The following DCP2 variants were observed in gnomAD, a reference collection of about 807,000 sequenced individuals.
DCP2 encodes decapping mRNA 2, also known as m7GpppN-mRNA hydrolase.
Under a neutral mutation model 56.1 loss-of-function variants are expected in DCP2, and 30 were observed. The ratio of observed to expected loss-of-function variants is 0.53; its 90% confidence interval spans 0.40 to 0.73. DCP2 has a LOEUF of 0.73. Among genes scored for constraint, DCP2 ranks in the 30% least tolerant of loss-of-function variants. The probability of loss-of-function intolerance (pLI) is 0.00; values close to 1 mark genes in which losing one functional copy is unlikely to be tolerated. For missense variants in DCP2, 533 were observed against 502.7 expected, an observed-to-expected ratio of 1.06 and a Z score of -0.58; for synonymous variants, 197 against 163.3, an observed-to-expected ratio of 1.21 and a Z score of -1.57.
intron 4 of DCP2, among the ~76,000 whole-genome samples, chr5:113,000,426 C>CCCACACT (rs1749122902): frequency 9.3e-6 from 1 of 107,028 alleles, no homozygotes; most frequent in African/African-American, 4.7e-5. Flanking sequence ...ACACACACAC[C>CCCACACT]CACACACCCT....
intron 2 of DCP2, among the ~76,000 whole-genome samples, chr5:112,988,318 TAAA>T (rs71224870): frequency 1.5e-5 from 2 of 136,704 alleles, no homozygotes; most frequent in African/African-American, 5.4e-5. Flanking sequence ...CCGTCTCTAC[TAAA>T]AAAAAAAAAA....
At chr5:113,009,952 C>G (rs572067184) in intron 9 of DCP2, among the ~76,000 whole-genome samples, 6 of 144,958 alleles carry the variant, frequency 4.1e-5, no homozygotes, top group Non-Finnish European at 7.5e-5. Context: ...GGGTCTCGCT[C>G]TGTCGTCTAG....
intron 2 of DCP2, among the ~76,000 whole-genome samples, chr5:112,987,192 G>C (rs1401781963): frequency 1.3e-5 from 2 of 151,718 alleles, no homozygotes; most frequent in Non-Finnish European, 2.9e-5. Context: ...TCTAGAATTT[G>C]GAAAAAAAAG....
rs758154928 is a variant in DCP2, at chr5:113,013,362, C to G, written c.1141C>G (p.Leu381Val). The G allele has an allele frequency of 1.2e-6, 2 of 1,613,994 alleles. No individual in the cohort carries two copies. Among genetic ancestry groups the G allele is most frequent in the African/African-American group, 1.3e-5 (1 of 74,932 alleles). The change falls in exon 11 of 11, where the codon CTA becomes GTA. Residue 381 changes from leucine to valine, a missense_variant. This residue lies in a region of DCP2 where 392 missense variants were observed against 346.6 expected (regional missense o/e 1.13). Coordinates refer to ENST00000389063, the MANE Select transcript of DCP2 (RefSeq NM_152624.6). ...GCCTAGCTCCAGTGAAGACCAGTTG[C>G]TAGAACATGCTGAGGGACAGCCCGT... is the stretch of plus-strand genomic sequence containing the variant. ...DLPSSSEDQL[L>V]EHAEGQPVAC...
In DCP2 at chr5:113,008,060, C is replaced by G; in HGVS notation, c.1047+18C>G. ...CTTTGATGGTAAGAGTTATAGCTGT[C>G]ACACTAAGTAGGCAGTTCATCCTCT... is the stretch of plus-strand genomic sequence containing the variant. On this transcript the variant is annotated intron_variant, in intron 9 of 10. Coordinates refer to ENST00000389063, the MANE Select transcript of DCP2 (RefSeq NM_152624.6). 1.3e-6 allele frequency: 2 copies of G among 1,596,690 alleles called. No homozygotes were observed. Among genetic ancestry groups the G allele is most frequent in the Non-Finnish European group, 1.7e-6 (2 of 1,165,346 alleles).
At chr5:113,002,414 C>G (rs1429322987) in intron 7 of DCP2, among the ~76,000 whole-genome samples, 1 of 146,320 alleles carries the variant, frequency 6.8e-6, no homozygotes, top group Non-Finnish European at 1.5e-5. Context: ...CAGAGTGAGA[C>G]TCGGTCTCAA....
chr5:112,983,909 A>G (rs1748126249), intron 1 of DCP2: 1 of 152,246 alleles, frequency 6.6e-6, no homozygotes, highest in African/African-American at 2.4e-5. Flanking sequence ...GAGGATAAAG[A>G]CATTTTAGAT....
chr5:112,985,044 C>T (rs1748210570), intron 1 of DCP2, among the ~76,000 whole-genome samples: 1 of 151,918 alleles, frequency 6.6e-6, no homozygotes, highest in Non-Finnish European at 1.5e-5. Context: ...AACCAGTGGA[C>T]TTGAATCTGT....
At chr5:113,001,063 A>G (rs1477015028) in intron 4 of DCP2, 21 bp from the exon 5 acceptor site, 1 of 1,567,262 alleles carries the variant, frequency 6.4e-7, no homozygotes, top group Non-Finnish European at 8.6e-7. Flanking sequence ...TGAAAATTTC[A>G]TCCAAATTTG....
At position 113,018,858 on chromosome 5, in the gene DCP2, A is replaced by C. The variant is rs1749997470; in HGVS notation, c.*5374A>C. 1 of 152,172 alleles carries C rather than the reference A, an allele frequency of 6.6e-6. No individual in the cohort carries two copies. Among genetic ancestry groups the C allele is most frequent in the South Asian group, 2.1e-4 (1 of 4,830 alleles). The allele number at this position is 152,172 out of a possible 1,614,324, so 9.4% of individuals were successfully genotyped here. Reference sequence around the variant, plus strand: ...TATAGCAAACCTGCCACAGACTTGCAAGCAGTGATTTTATCTTTCCTTCCT... The same window carrying C: ...TATAGCAAACCTGCCACAGACTTGCCAGCAGTGATTTTATCTTTCCTTCCT... On this transcript the variant is annotated 3_prime_UTR_variant, in exon 11 of 11. Transcript: ENST00000389063.
chr5:112,998,309 C>A (rs1328835205), intron 4 of DCP2, among the ~76,000 whole-genome samples: 1 of 151,976 alleles, frequency 6.6e-6, no homozygotes, highest in African/African-American at 2.4e-5. Flanking sequence ...CTTTTTTCTT[C>A]TTGTTGGTTT....
chr5:112,996,589 C>T (rs1561694713), intron 4 of DCP2, among the ~76,000 whole-genome samples: 1 of 152,170 alleles, frequency 6.6e-6, no homozygotes, highest in Non-Finnish European at 1.5e-5. Flanking sequence ...GAATTTGACA[C>T]ATCCTCAAAC....
Position 112,995,447 on chromosome 5 carries a change from A to G in DCP2, c.432+2677A>G, listed in dbSNP as rs192291780. ...AGAGGAATTGATTGTAGCTCTGTAC[A>G]TGGGATTAGACTGGTCTAACGGCAG... is the stretch of plus-strand genomic sequence containing the variant. On this transcript the variant is annotated intron_variant, in intron 4 of 10. Transcript: ENST00000389063. Among the ~76,000 whole-genome samples the G allele has an allele frequency of 2.6e-5, 4 of 151,924 alleles. No individual in the cohort carries two copies. In the East Asian group the frequency reaches 5.8e-4, roughly 22 times the overall value.
rs562254738 is a variant in DCP2 at position 112,987,620 on chromosome 5, C to CTTTTTTTTTTT, written c.205+1649_205+1659dup. The stretch of plus-strand genomic sequence containing the variant: ...GGTGCAAGCCACCACACCTAGGTGC[C>CTTTTTTTTTTT]TTTTTTTTTTTTTTTTTTTTTTTTT... On this transcript the variant is annotated intron_variant, in intron 2 of 10. Transcript: ENST00000389063. Among the ~76,000 whole-genome samples, 556 of 69,780 alleles carry CTTTTTTTTTTT rather than the reference C, an allele frequency of 8.0e-3. 2 individuals are homozygous for CTTTTTTTTTTT. Among genetic ancestry groups the CTTTTTTTTTTT allele is most frequent in the African/African-American group, 0.011 (184 of 16,040 alleles). The allele number at this position is 69,780 out of a possible 152,430, so 45.8% of individuals were successfully genotyped here.
chr5:112,981,229 C>T (rs528869141), intron 1 of DCP2, among the ~76,000 whole-genome samples: 4 of 152,028 alleles, frequency 2.6e-5, no homozygotes, highest in Non-Finnish European at 5.9e-5. Flanking sequence ...TGGTCTCAAA[C>T]GTACTTGTAG....
Position 113,021,129 on chromosome 5 carries a change from C to G in DCP2, c.*7645C>G, listed in dbSNP as rs1444866034. Among the ~76,000 whole-genome samples, 2 of 152,110 alleles carry G rather than the reference C, an allele frequency of 1.3e-5. No individual in the cohort carries two copies. The highest frequency in any genetic ancestry group is 2.9e-5 in the Non-Finnish European group (2 of 68,026). ...GGCGCGGTGCTCATACCTGTAATCC[C>G]AGCACTTTGGGAGGCTGAGTTGGGT... On this transcript the variant is annotated 3_prime_UTR_variant, in exon 11 of 11. Transcript: ENST00000389063.
chr5:112,990,131 G>C (rs1748512586), intron 2 of DCP2, among the ~76,000 whole-genome samples: 2 of 152,142 alleles, frequency 1.3e-5, no homozygotes, highest in Admixed American at 1.3e-4. Flanking sequence ...GAAATGTAGG[G>C]AATTGATGGG....
chr5:113,004,366 C>G lies in DCP2; in HGVS notation c.942+289C>G, dbSNP rs532743091. Among the ~76,000 whole-genome samples, 815 of 152,292 alleles carry G rather than the reference C, an allele frequency of 5.4e-3. 4 individuals carry two copies. Among genetic ancestry groups the G allele is most frequent in the Non-Finnish European group, 6.9e-3 (466 of 68,022 alleles). ...AAGGAAAATATTTTCCAAATTAACA[C>G]AAGTGGGATCTATTGGCTTTTGTTC... is the stretch of plus-strand genomic sequence containing the variant. On this transcript the variant is annotated intron_variant, in intron 8 of 10. Coordinates refer to ENST00000389063, the MANE Select transcript of DCP2 (RefSeq NM_152624.6).
rs779150526 is a variant in DCP2, at chr5:113,001,138, A to G, written c.487A>G (p.Ile163Val). The G allele has an allele frequency of 6.2e-7, 1 of 1,613,932 alleles. No individual in the cohort carries two copies. Among genetic ancestry groups the G allele is most frequent in the Non-Finnish European group, 8.5e-7 (1 of 1,179,948 alleles). The change falls in exon 5 of 11, where the codon ATT becomes GTT. Residue 163 changes from isoleucine to valine, a missense_variant. Around this residue, in one of 3 missense-constraint regions of DCP2, gnomAD observed 392 missense variants for 346.6 expected, o/e 1.13. Coordinates refer to ENST00000389063, the MANE Select transcript of DCP2 (RefSeq NM_152624.6). ...AGACTATATTTGTAAGGATGATTAC[A>G]TTGAACTTCGAATCAATGACCAGCT... ...IKDYICKDDY[I>V]ELRINDQLAR...
Sources: gnomAD v4.1 joint callset for allele counts (sites outside exome capture counted in the v4.1 genomes callset) on GRCh38, gnomAD v4.1.1 for gene constraint, gnomAD v4.1.1 regional missense constraint, MANE v1.5 for transcripts, NCBI Gene and HGNC (gene_info 2026-07-23, HGNC 2026-07-21) for gene names.